The following NPIPB11 variants were observed in gnomAD, a reference collection of about 807,000 sequenced individuals.
NPIPB11 encodes nuclear pore complex-interacting protein family member B11.
Under a neutral mutation model 32.8 loss-of-function variants are expected in NPIPB11, and 17 were observed. The ratio of observed to expected loss-of-function variants is 0.52; its 90% CI spans 0.35 to 0.78. NPIPB11 has a LOEUF of 0.78. Among genes scored for constraint, NPIPB11 ranks in the 30% least tolerant of loss-of-function variants. The probability of loss-of-function intolerance (pLI) is 0.01; values close to 1 mark genes in which losing one functional copy is unlikely to be tolerated. For missense variants in NPIPB11, 537 were observed against 1,000.4 expected (o/e 0.54, Z 6.25); for synonymous variants, 209 against 398.4 (o/e 0.52, Z 5.66).
chr16:29,393,012 TC>T (rs1279504919), intron 3 of NPIPB11, among the ~76,000 whole-genome samples: 1 of 147,264 alleles, frequency 6.8e-6, no homozygotes, highest in South Asian at 2.2e-4. Flanking sequence ...ATTTTTACTG[TC>T]ATGAATGGCA....
At chr16:29,394,895 G>C (rs1460858997) in intron 2 of NPIPB11, among the ~76,000 whole-genome samples, 1 of 149,490 alleles carries the variant, frequency 6.7e-6, no homozygotes, top group Non-Finnish European at 1.5e-5. Flanking sequence ...ACAGGTGCCT[G>C]ACAGTGCACT....
At chr16:29,390,277 G>A in exon 4 of NPIPB11, 4 of 1,587,774 alleles carry the variant, frequency 2.5e-6, no homozygotes, top group South Asian at 1.1e-5. Context: ...TGGACCTCCA[G>A]GCTCTCTGCT....
chr16:29,403,270 G>A (rs1964040913), intron 2 of NPIPB11, among the ~76,000 whole-genome samples: 1 of 144,848 alleles, frequency 6.9e-6, no homozygotes, highest in Admixed American at 6.9e-5. Flanking sequence ...TAGGGACGAG[G>A]TTTTGCCATA....
intron 3 of NPIPB11, among the ~76,000 whole-genome samples, chr16:29,390,997 G>A (rs1391463559): frequency 3.3e-5 from 5 of 150,302 alleles, no homozygotes; most frequent in Admixed American, 6.6e-5. Context: ...GGCCACCTGC[G>A]GTAGCTCATG....
In NPIPB11 at chr16:29,394,024, C is replaced by T. The variant is rs777744735; in HGVS notation, c.173G>A (p.Ser58Asn). 3.1e-6 allele frequency: 5 copies of T among 1,599,460 alleles called. No individual in the cohort carries two copies. In the South Asian group the frequency reaches 4.4e-5, roughly 14 times the overall value. The change falls in exon 3 of 8, where the codon AGT becomes AAT. Residue 58 changes from serine to asparagine, a missense_variant. Coordinates refer to ENST00000524087, the Ensembl canonical transcript of NPIPB11. ...CGCAATAATAATATGTAACCAAGGA[C>T]TTCCACCAAAGTCAGTCCCACGATG...
rs191410743 is a variant in NPIPB11, at chr16:29,393,447, G to T, written c.249+501C>A. Among the ~76,000 whole-genome samples, 293 of 152,110 alleles carry T rather than the reference G, an allele frequency of 1.9e-3. 6 individuals carry two copies. Among genetic ancestry groups the T allele is most frequent in the African/African-American group, 6.6e-3 (272 of 41,460 alleles). On this transcript the variant is annotated intron_variant, in intron 3 of 7. Transcript: ENST00000524087. The stretch of plus-strand genomic sequence containing the variant: ...TATCTCCCTCTCCCCTCAGAAGAGG[G>T]TGCTCTTTAAGCATCAACCACCCGG...
exon 8 of NPIPB11, chr16:29,383,001 A>G (rs778678759): frequency 6.2e-7 from 1 of 1,605,678 alleles, no homozygotes; most frequent in Non-Finnish European, 8.5e-7. Context: ...GACGCTCGGA[A>G]GGTGTCTTGA....
At chr16:29,383,400 G>A in exon 8 of NPIPB11, 1 of 153,262 alleles carries the variant, frequency 6.5e-6, no homozygotes, top group East Asian at 1.3e-4. Flanking sequence ...ATTATCATCC[G>A]CTGAGGGTGG....
chr16:29,400,008 T>C (rs3867586), intron 2 of NPIPB11, among the ~76,000 whole-genome samples: 1 of 150,376 alleles, frequency 6.6e-6, no homozygotes, highest in Admixed American at 6.6e-5. Flanking sequence ...ACCCAGGAGG[T>C]GGAGGTTGCA....
chr16:29,401,488 G>A (rs1596684168), intron 2 of NPIPB11, among the ~76,000 whole-genome samples: 2 of 152,036 alleles, frequency 1.3e-5, no homozygotes, highest in East Asian at 3.9e-4. Context: ...ACTCCACCTG[G>A]CTGAGGATAA....
chr16:29,402,788 TAAA>T (rs1567276729), intron 2 of NPIPB11, among the ~76,000 whole-genome samples: 1 of 138,600 alleles, frequency 7.2e-6, no homozygotes, highest in Non-Finnish European at 1.5e-5. Flanking sequence ...ATCTCAAAAA[TAAA>T]AGATCATTTT....
chr16:29,397,956 C>T lies in NPIPB11; in HGVS notation c.121-3880G>A, dbSNP rs1205920383. ...AGAAGATCAGGGAAGCAACAGGACA[C>T]GCGGGGCAAGGGAGCGTGAGGCTTA... On this transcript the variant is annotated intron_variant, in intron 2 of 7. Transcript: ENST00000524087. 2.4e-4 allele frequency among the ~76,000 whole-genome samples: 23 copies of T among 94,142 alleles called. No homozygotes were observed. The East Asian group carries it at 3.6e-3, about 15-fold the overall frequency. The allele number at this position is 94,142 out of a possible 152,430, so 61.8% of individuals were successfully genotyped here.
chr16:29,406,427 G>A (rs572093826), upstream of NPIPB11, among the ~76,000 whole-genome samples: 45 of 152,302 alleles, frequency 3.0e-4, no homozygotes, highest in East Asian at 9.6e-4. Context: ...GTATAAACAC[G>A]TCATGAATGG....
At chr16:29,400,739 C>A (rs557612631) in intron 2 of NPIPB11, among the ~76,000 whole-genome samples, 119 of 152,132 alleles carry the variant, frequency 7.8e-4, no homozygotes, top group South Asian at 7.8e-3. Flanking sequence ...CCCCAGGGGG[C>A]AGGTCCATCT....
At position 29,383,272 on chromosome 16, in the gene NPIPB11, C is replaced by A. The variant is rs746480614; in HGVS notation, c.1660G>T (p.Asp554Tyr). 6 of 1,560,306 alleles carry A rather than the reference C, an allele frequency of 3.8e-6. No individual in the cohort carries two copies. In the Admixed American group the frequency reaches 5.2e-5, roughly 14 times the overall value. The stretch of plus-strand genomic sequence containing the variant: ...TCGGAAGGTGTCTTGAGATTATCAT[C>A]CGCTGAGGGTGGAAGCGGCCCCCGC... Residue 554 changes from aspartate to tyrosine, a missense_variant, in exon 8 of 8, where the codon GAT becomes TAT. Transcript: ENST00000524087.
chr16:29,392,059 T>C (rs1963735786), intron 3 of NPIPB11, among the ~76,000 whole-genome samples: 1 of 151,998 alleles, frequency 6.6e-6, no homozygotes, highest in Non-Finnish European at 1.5e-5. Flanking sequence ...ATTTGTTTTT[T>C]CCTGATTTCT....
At chr16:29,406,172 A>C (rs1159806225), upstream of NPIPB11, among the ~76,000 whole-genome samples, 2 of 152,258 alleles carry the variant, frequency 1.3e-5, no homozygotes, top group Non-Finnish European at 2.9e-5. Flanking sequence ...TAAAGAATGT[A>C]TCTCTCATCT....
intron 2 of NPIPB11, among the ~76,000 whole-genome samples, chr16:29,400,883 G>A (rs113452182): frequency 0.46 from 69,959 of 151,696 alleles, 16,764 homozygotes; most frequent in Middle Eastern, 0.63. Context: ...GAGTCACCAA[G>A]TCTGGCTGAC....
chr16:29,402,611 A>G (rs1179628082), intron 2 of NPIPB11, among the ~76,000 whole-genome samples: 1 of 130,280 alleles, frequency 7.7e-6, no homozygotes, highest in Non-Finnish European at 1.6e-5. Context: ...GCTGAGGCAG[A>G]GGAATTGCTT....
Sources: gnomAD v4.1 joint callset for allele counts (sites outside exome capture counted in the v4.1 genomes callset) on GRCh38, gnomAD v4.1.1 for gene constraint, MANE v1.5 for transcripts, NCBI Gene and HGNC (gene_info 2026-07-23, HGNC 2026-07-21) for gene names.